AMTN: variants seen among roughly 807,000 people sequenced by gnomAD.
AMTN encodes amelotin.
AMTN carries 29 observed loss-of-function variants against 27.4 expected under a neutral mutation model. The observed-to-expected ratio is 1.06, with a 90% CI of 0.79 to 1.44. The LOEUF (loss-of-function observed/expected upper bound fraction) is 1.44. Among genes scored for constraint, AMTN ranks in the 40% most tolerant of loss-of-function variants. The probability of loss-of-function intolerance (pLI) is 0.00; values close to 1 mark genes in which losing one functional copy is unlikely to be tolerated. For missense variants in AMTN, 247 were observed against 248.8 expected, an observed-to-expected ratio of 0.99 and a Z score of 0.05; for synonymous variants, 86 against 95.7, an observed-to-expected ratio of 0.90 and a Z score of 0.59.
At position 70,518,578 on chromosome 4, in the gene AMTN, T is replaced by C. The variant is rs1329136231; in HGVS notation, c.-92T>C. 1.6e-5 allele frequency: 9 copies of C among 548,310 alleles called. No individual in the cohort carries two copies. The highest frequency in any genetic ancestry group is 6.8e-5 in the Admixed American group (2 of 29,550). The allele number at this position is 548,310 out of a possible 1,614,324, so 34.0% of individuals were successfully genotyped here. ...TACAAACACATACATCATTGAAGGG[T>C]AAAATTTTTCACCAGAGTAAACTTG... On this transcript the variant is annotated 5_prime_UTR_variant, in exon 1 of 9. Transcript: ENST00000339336.
chr4:70,527,682 TAA>T (rs1206996840), intron 5 of AMTN, among the ~76,000 whole-genome samples: 1 of 152,180 alleles, frequency 6.6e-6, no homozygotes, highest in Non-Finnish European at 1.5e-5. Context: ...ATTATGAAAT[TAA>T]GAGTCCCATT....
intron 5 of AMTN, among the ~76,000 whole-genome samples, 165 bp from the exon 6 acceptor site, chr4:70,528,558 G>C (rs1736147727): frequency 6.6e-6 from 1 of 152,170 alleles, no homozygotes; most frequent in African/African-American, 2.4e-5. Flanking sequence ...GCTGAGGCAG[G>C]AGAATCACTT....
chr4:70,519,352 A>T (rs1010797192), intron 2 of AMTN, among the ~76,000 whole-genome samples: 1 of 152,220 alleles, frequency 6.6e-6, no homozygotes, highest in Non-Finnish European at 1.5e-5. Flanking sequence ...ATATAACAGG[A>T]AAAAATTAAA....
chr4:70,521,031 G>A (rs1239546713), intron 2 of AMTN, among the ~76,000 whole-genome samples: 1 of 152,146 alleles, frequency 6.6e-6, no homozygotes, highest in Non-Finnish European at 1.5e-5. Context: ...GAGCTACTGG[G>A]GGCCCAGAGC....
At chr4:70,524,627 A>T (rs909930648) in intron 4 of AMTN, among the ~76,000 whole-genome samples, 1 of 149,976 alleles carries the variant, frequency 6.7e-6, no homozygotes, top group African/African-American at 2.4e-5. Context: ...CAAACAGAAT[A>T]GGTTAAATGC....
At chr4:70,529,728 T>C (rs569562750) in intron 7 of AMTN, among the ~76,000 whole-genome samples, 1 of 152,280 alleles carries the variant, frequency 6.6e-6, no homozygotes, top group Non-Finnish European at 1.5e-5. Flanking sequence ...CTTCTATGCA[T>C]TCCTCCATAG....
At chr4:70,529,294 A>ATTTAGGATTTATGGTC in intron 7 of AMTN, 84 bp downstream of exon 7, 4 of 1,003,316 alleles carry the variant, frequency 4.0e-6, no homozygotes, top group Non-Finnish European at 4.2e-6. Flanking sequence ...TTTTGACCAT[A>ATTTAGGATTTATGGTC]AATCCTAAAT....
intron 2 of AMTN, 85 bp downstream of exon 2, chr4:70,518,916 A>G (rs1735881690): frequency 9.1e-7 from 1 of 1,101,120 alleles, no homozygotes. Flanking sequence ...GCCCTCCATC[A>G]AAACTGCTCT....
At chr4:70,524,009 T>C (rs1736041095) in intron 4 of AMTN, 76 bp downstream of exon 4, 2 of 1,184,628 alleles carry the variant, frequency 1.7e-6, no homozygotes, top group African/African-American at 1.5e-5. Context: ...GGGGGGAGCA[T>C]GTATATGGGT....
chr4:70,530,365 C>T (rs1736194584), intron 7 of AMTN, among the ~76,000 whole-genome samples: 1 of 152,164 alleles, frequency 6.6e-6, no homozygotes, highest in Non-Finnish European at 1.5e-5. Flanking sequence ...GATATCACAA[C>T]CCTCAGTTTG....
intron 8 of AMTN, 79 bp downstream of exon 8, chr4:70,531,379 G>C (rs765768427): frequency 9.0e-6 from 14 of 1,562,916 alleles, no homozygotes; most frequent in Non-Finnish European, 1.2e-5. Context: ...TCTTTGTCTT[G>C]CCTTGACAAA....
At chr4:70,527,351 A>G (rs1037661414) in intron 5 of AMTN, among the ~76,000 whole-genome samples, 1 of 152,174 alleles carries the variant, frequency 6.6e-6, no homozygotes, top group African/African-American at 2.4e-5. Context: ...TTAGACATCT[A>G]TGGTTTCCTC....
chr4:70,523,808 T>C (rs1736030595), intron 3 of AMTN, 60 bp from the exon 4 acceptor site: 2 of 1,437,944 alleles, frequency 1.4e-6, no homozygotes, highest in African/African-American at 2.8e-5. Flanking sequence ...TATCCACCAC[T>C]GACAGAGTAA....
At chr4:70,521,392 A>AG (rs959106187) in intron 2 of AMTN, among the ~76,000 whole-genome samples, 4 of 135,434 alleles carry the variant, frequency 3.0e-5, no homozygotes, top group African/African-American at 1.0e-4. Context: ...AAAAAAAAAA[A>AG]AAGAAGAAGA....
At chr4:70,519,004 A>T (rs944395184) in intron 2 of AMTN, among the ~76,000 whole-genome samples, 173 bp downstream of exon 2, 1 of 152,206 alleles carries the variant, frequency 6.6e-6, no homozygotes, top group African/African-American at 2.4e-5. Context: ...AGCTGTTGGT[A>T]CATATTTCAA....
At chr4:70,525,850 C>T (rs1424350700) in intron 5 of AMTN, among the ~76,000 whole-genome samples, 2 of 151,782 alleles carry the variant, frequency 1.3e-5, no homozygotes, top group South Asian at 2.1e-4. Context: ...CAGTGAGCAG[C>T]GATTGTGTCA....
rs747462345 is a variant in AMTN at position 70,531,221 on chromosome 4, C to T, written c.540C>T (p.Asp180=). 53 of 1,613,916 alleles carry T rather than the reference C, an allele frequency of 3.3e-5. No homozygotes were observed. Among genetic ancestry groups the T allele is most frequent in the Admixed American group, 8.3e-5 (5 of 59,990 alleles). ...GRLPTPSGTD[D]DFAVTTPAGI... is the part of the protein sequence containing the mutation. ...TCCCAACTCCCAGTGGCACAGATGA[C>T]GACTTTGCAGTGACCACCCCTGCAG... The change falls in exon 8 of 9, where the codon GAC becomes GAT. Residue 180 remains aspartate, a synonymous_variant. Coordinates refer to ENST00000339336, the MANE Select transcript of AMTN (RefSeq NM_212557.4).
chr4:70,531,401 G>A (rs1372908986), intron 8 of AMTN, 101 bp downstream of exon 8: 12 of 1,472,038 alleles, frequency 8.2e-6, no homozygotes, highest in Non-Finnish European at 1.0e-5. Flanking sequence ...GCAGATCTTA[G>A]TAAGATTAGG....
Position 70,518,829 on chromosome 4 carries a change from C to T in AMTN, c.52C>T (p.Pro18Ser), listed in dbSNP as rs35426053. 1,687 of 1,607,998 alleles carry T rather than the reference C, an allele frequency of 1.0e-3. 14 individuals are homozygous for T. In the African/African-American group the frequency reaches 0.02, roughly 19 times the overall value. ...FCLLGSTRSL[P>S]QLKPALGLPP... is the part of the protein sequence containing the mutation. ...TCTTCTAGGATCAACTCGGTCATTA[C>T]CAGTAAGTATGTTATGTTTGTTTTA... The change falls in exon 2 of 9, where the codon CCA becomes TCA. Residue 18 changes from proline (P) to serine (S), a missense_variant and splice_region_variant. Physicochemically the swap from Pro to Ser is moderately conservative, Grantham distance 74. Transcript: ENST00000339336.
Sources: allele counts gnomAD v4.1 joint callset (sites outside exome capture counted in the v4.1 genomes callset), GRCh38; gene constraint gnomAD v4.1.1; transcripts MANE v1.5; gene names NCBI Gene and HGNC (gene_info 2026-07-23, HGNC 2026-07-21).